The following GJB7 variants were observed in gnomAD, a reference collection of about 807,000 sequenced individuals.
GJB7 encodes gap junction protein beta 7, also known as gap junction beta-7 protein.
For synonymous variants in GJB7, 87 were observed against 95.2 expected, an observed-to-expected ratio of 0.91 and a Z score of 0.50; for missense variants, 253 against 256.8, an observed-to-expected ratio of 0.99 and a Z score of 0.10.
chr6:87,296,307 C>T (rs1010274156), intron 2 of GJB7, among the ~76,000 whole-genome samples: 3 of 152,216 alleles, frequency 2.0e-5, no homozygotes, highest in African/African-American at 7.2e-5. Flanking sequence ...ACCACTTTCA[C>T]ACATACCCCC....
At chr6:87,316,989 C>T (rs1006801518) in intron 2 of GJB7, among the ~76,000 whole-genome samples, 1 of 152,154 alleles carries the variant, frequency 6.6e-6, no homozygotes, top group Admixed American at 6.5e-5. Context: ...ATACCATCCT[C>T]TGTGTTATAT....
In GJB7 at chr6:87,284,929, A is replaced by G. The variant is rs1380576789; in HGVS notation, c.-17T>C. On this transcript the variant is annotated 5_prime_UTR_variant, in exon 3 of 3. Coordinates refer to ENST00000525899, the MANE Select transcript of GJB7 (RefSeq NM_198568.3). ...CCAACTCATGACTTAGGCTCAAAAG[A>G]AGGCAAGACTCTGCAAAATAAGACA... 6.3e-7 allele frequency: 1 copy of G among 1,587,100 alleles called. No individual in the cohort carries two copies. Among genetic ancestry groups the G allele is most frequent in the Non-Finnish European group, 8.6e-7 (1 of 1,162,662 alleles).
chr6:87,283,042 A>G lies in GJB7; in HGVS notation c.*1199T>C, dbSNP rs989199686. The G allele has an allele frequency of 1.3e-5, 2 of 152,212 alleles. No individual in the cohort carries two copies. The highest frequency in any genetic ancestry group is 4.8e-5 in the African/African-American group (2 of 41,450). The allele number at this position is 152,212 out of a possible 1,614,324, so 9.4% of individuals were successfully genotyped here. ...TACATATGTTAAAGTACTAAATCCA[A>G]AGAGAACATATCTGTGAATTGCTAA... On this transcript the variant is annotated 3_prime_UTR_variant, in exon 3 of 3. Transcript: ENST00000525899.
intron 2 of GJB7, among the ~76,000 whole-genome samples, chr6:87,286,783 T>C (rs1158738489): frequency 6.6e-6 from 1 of 152,198 alleles, no homozygotes; most frequent in Non-Finnish European, 1.5e-5. Context: ...GTTTTTGTTT[T>C]GTCTTTGTTT....
rs569755664 is a variant in GJB7 at position 87,300,272 on chromosome 6, T to C, written c.-27-15333A>G. Reference sequence around the variant, plus strand: ...TCCTAAGAAGTTGGTGATGATGCTATGTTATGAATATGGTGGAAAAAGGAA... The same window carrying C: ...TCCTAAGAAGTTGGTGATGATGCTACGTTATGAATATGGTGGAAAAAGGAA... On this transcript the variant is annotated intron_variant, in intron 2 of 2. Coordinates refer to ENST00000525899, the MANE Select transcript of GJB7 (RefSeq NM_198568.3). The C allele has an allele frequency of 3.3e-5, 6 of 184,586 alleles. No homozygotes were observed. The East Asian group carries it at 5.6e-4, about 17-fold the overall frequency. 11.4% of individuals were successfully genotyped at this position (184,586 alleles called of 1,614,324 possible).
At chr6:87,304,697 C>G (rs1426744414) in intron 2 of GJB7, among the ~76,000 whole-genome samples, 1 of 152,170 alleles carries the variant, frequency 6.6e-6, no homozygotes, top group Non-Finnish European at 1.5e-5. Context: ...CATCCTGATA[C>G]CAAAGCCTGG....
intron 2 of GJB7, among the ~76,000 whole-genome samples, chr6:87,316,685 T>C (rs1202096289): frequency 6.6e-6 from 1 of 152,244 alleles, no homozygotes; most frequent in Non-Finnish European, 1.5e-5. Flanking sequence ...TTCCTCACTC[T>C]GTTTTGACCA....
intron 2 of GJB7, among the ~76,000 whole-genome samples, chr6:87,315,795 C>CAAAAAAAAAAAAAA (rs1161194601): frequency 1.4e-5 from 1 of 72,352 alleles, no homozygotes; most frequent in Non-Finnish European, 3.1e-5. Flanking sequence ...GACTCTATCT[C>CAAAAAAAAAAAAAA]AAAAAAAAAA....
At chr6:87,321,948 A>G (rs1776672766) in intron 2 of GJB7, among the ~76,000 whole-genome samples, 1 of 152,186 alleles carries the variant, frequency 6.6e-6, no homozygotes, top group Admixed American at 6.5e-5. Context: ...AGTCGGCCCC[A>G]TGATTCAGTG....
chr6:87,306,835 T>C (rs1261519829), intron 2 of GJB7, among the ~76,000 whole-genome samples: 4 of 152,252 alleles, frequency 2.6e-5, no homozygotes, highest in Admixed American at 6.5e-5. Flanking sequence ...CCATGGAATA[T>C]TATGCAGCCA....
rs147450195 is a variant in GJB7, at chr6:87,297,286, C to T, written c.-27-12347G>A. On this transcript the variant is annotated intron_variant, in intron 2 of 2. Coordinates refer to ENST00000525899, the MANE Select transcript of GJB7 (RefSeq NM_198568.3). ...GGGGTAGCTTCCAAGAATCATACTA[C>T]CTCCCACTGTGCTGACTCACCCAAT... 9.0e-3 allele frequency among the ~76,000 whole-genome samples: 1,375 copies of T among 152,298 alleles called. 19 individuals carry two copies. Among genetic ancestry groups the T allele is most frequent in the Middle Eastern group, 0.02 (6 of 294 alleles).
chr6:87,327,544 G>A (rs12584149), intron 1 of GJB7, among the ~76,000 whole-genome samples: 10,133 of 149,042 alleles, frequency 0.068, 516 homozygotes, highest in African/African-American at 0.18. Flanking sequence ...GAAATTCTGG[G>A]TTGAAAATTC....
intron 2 of GJB7, among the ~76,000 whole-genome samples, chr6:87,297,195 G>A (rs1776258993): frequency 6.6e-6 from 1 of 152,126 alleles, no homozygotes; most frequent in Non-Finnish European, 1.5e-5. Flanking sequence ...GATTTAGTGA[G>A]GTGTATTTAT....
In GJB7 at chr6:87,283,641, A is replaced by C. The variant is rs1776008705; in HGVS notation, c.*600T>G. On this transcript the variant is annotated 3_prime_UTR_variant, in exon 3 of 3. Coordinates refer to ENST00000525899, the MANE Select transcript of GJB7 (RefSeq NM_198568.3). ...CCCCAGCTGGCTGCTATCCTATCCCACAGTTTTTCCCTGCAGAGATTGAGT... is the reference window on the plus strand; with the variant it reads ...CCCCAGCTGGCTGCTATCCTATCCCCCAGTTTTTCCCTGCAGAGATTGAGT... 1 of 152,258 alleles carries C rather than the reference A, an allele frequency of 6.6e-6. No homozygotes were observed. Among genetic ancestry groups the C allele is most frequent in the African/African-American group, 2.4e-5 (1 of 41,364 alleles). The allele number at this position is 152,258 out of a possible 1,614,324, so 9.4% of individuals were successfully genotyped here.
At chr6:87,295,508 C>T (rs1283327657) in intron 2 of GJB7, among the ~76,000 whole-genome samples, 1 of 152,162 alleles carries the variant, frequency 6.6e-6, no homozygotes, top group African/African-American at 2.4e-5. Context: ...GTTCATCCAT[C>T]TTCTGCCTGA....
chr6:87,316,098 T>C (rs1262631673), intron 2 of GJB7, among the ~76,000 whole-genome samples: 3 of 152,192 alleles, frequency 2.0e-5, no homozygotes, highest in East Asian at 1.9e-4. Flanking sequence ...TTGTTTTCAG[T>C]TGGCCAAGGA....
intron 2 of GJB7, among the ~76,000 whole-genome samples, chr6:87,303,660 C>G (rs995636565): frequency 2.6e-5 from 4 of 152,210 alleles, no homozygotes; most frequent in Non-Finnish European, 5.9e-5. Context: ...GAACTCAGCT[C>G]TGCACCAAGC....
chr6:87,294,259 C>T (rs115406553), intron 2 of GJB7, among the ~76,000 whole-genome samples: 156 of 152,254 alleles, frequency 1.0e-3, no homozygotes, highest in African/African-American at 3.6e-3. Flanking sequence ...GAATATGTGA[C>T]GCTGCAAGAT....
At position 87,317,433 on chromosome 6, in the gene GJB7, CT is replaced by C. The variant is rs34039728; in HGVS notation, c.-28+5432del. On this transcript the variant is annotated intron_variant, in intron 2 of 2. Transcript: ENST00000525899. The stretch of plus-strand genomic sequence containing the variant: ...TCCCTCACTAATCTTTAATCTTTTC[CT>C]TTTTTTTTTTTTGAGACGGAGTTTC... Among the ~76,000 whole-genome samples, 669 of 142,872 alleles carry C rather than the reference CT, an allele frequency of 4.7e-3. 4 individuals carry two copies. The highest frequency in any genetic ancestry group is 0.014 in the African/African-American group (555 of 38,770). The allele number at this position is 142,872 out of a possible 152,430, so 93.7% of individuals were successfully genotyped here. A position where few individuals can be genotyped will look rare whatever the true frequency, so the allele number is the denominator to read the frequency against.
Sources: gnomAD v4.1 joint callset for allele counts (sites outside exome capture counted in the v4.1 genomes callset) on GRCh38, gnomAD v4.1.1 for gene constraint, MANE v1.5 for transcripts, NCBI Gene and HGNC (gene_info 2026-07-23, HGNC 2026-07-21) for gene names.